FRMPD4: variants seen among roughly 807,000 people sequenced by gnomAD.
The protein encoded by FRMPD4 is FERM and PDZ domain containing 4.
FRMPD4 carries 22 observed loss-of-function variants against 94.1 expected under a neutral mutation model. The ratio of observed to expected loss-of-function variants is 0.23; its 90% CI spans 0.17 to 0.33. The LOEUF (loss-of-function observed/expected upper bound fraction) is 0.33. Ranked by LOEUF, FRMPD4 falls within the 10% of genes least tolerant of loss-of-function variation. FRMPD4 has a pLI of 1.00. For synonymous variants in FRMPD4, 631 were observed against 548.6 expected (o/e 1.15, Z -2.10); for missense variants, 1,111 against 1,339.9 (o/e 0.83, Z 2.67).
At chrX:12,062,647 G>T (rs1176885405) in intron 3 of FRMPD4, among the ~76,000 whole-genome samples, 2 of 111,151 alleles carry the variant, frequency 1.8e-5, no homozygotes, top group South Asian at 7.7e-4. Context: ...CATGTTTGGT[G>T]GGTGGGTGGA....
chrX:12,706,902 A>G lies in FRMPD4; in HGVS notation c.1274A>G (p.Lys425Arg). 9.5e-7 allele frequency: 1 copy of G among 1,050,653 alleles called. No individual in the cohort carries two copies. Among genetic ancestry groups the G allele is most frequent in the Non-Finnish European group, 1.3e-6 (1 of 765,907 alleles). 86.6% of individuals were successfully genotyped at this position (1,050,653 alleles called of 1,213,427 possible). ...DLRLYGGRVFKATLVQAEKRS... is the reference protein window; with the variant it reads ...DLRLYGGRVFRATLVQAEKRS... ...CGATTGTATGGGGGCCGTGTGTTCA[A>G]GGCAACATTAGTGGTAATTTCTTTT... The change falls in exon 12 of 17, where the codon AAG (lysine) becomes AGG (arginine). Residue 425 changes from lysine to arginine, a missense_variant. Lys to Arg is a conservative substitution (Grantham distance 26). This residue lies in a region of FRMPD4 where 111 missense variants were observed against 160.7 expected (regional missense o/e 0.69). Transcript: ENST00000675598.
intron 2 of FRMPD4, among the ~76,000 whole-genome samples, chrX:12,605,480 A>C (rs1423715561): frequency 3.6e-5 from 4 of 111,564 alleles, no homozygotes; most frequent in Non-Finnish European, 7.5e-5. Context: ...TGGCCCCTGA[A>C]ATGCTTCTAC....
At chrX:12,055,413 A>G (rs1375534548) in intron 3 of FRMPD4, among the ~76,000 whole-genome samples, 3 of 110,763 alleles carry the variant, frequency 2.7e-5, no homozygotes, top group Non-Finnish European at 5.7e-5. Flanking sequence ...CAGTTGTTTA[A>G]CAGTGTGTGG....
intron 1 of FRMPD4, among the ~76,000 whole-genome samples, chrX:12,284,438 A>G (rs1485721195): frequency 1.8e-5 from 2 of 111,663 alleles, no homozygotes; most frequent in African/African-American, 6.5e-5. Context: ...ACTTGACTAC[A>G]GCAGGGGAGA....
intron 3 of FRMPD4, among the ~76,000 whole-genome samples, chrX:11,959,003 C>G (rs775180251): frequency 8.9e-6 from 1 of 111,830 alleles, no homozygotes; most frequent in Admixed American, 9.5e-5. Context: ...CAAAAAAAAC[C>G]CTACCAAAAC....
At chrX:12,031,654 G>A (rs868626200) in intron 3 of FRMPD4, among the ~76,000 whole-genome samples, 16 of 111,764 alleles carry the variant, frequency 1.4e-4, no homozygotes, top group African/African-American at 5.2e-4. Flanking sequence ...CTTGTTAAAC[G>A]TGCTACAATG....
intron 1 of FRMPD4, among the ~76,000 whole-genome samples, chrX:12,417,579 CAA>C (rs33972789): frequency 9.3e-5 from 6 of 64,775 alleles, no homozygotes; most frequent in East Asian, 4.6e-4. Flanking sequence ...GACTTCATCT[CAA>C]AAAAAAAAAA....
At chrX:12,391,167 A>G (rs1004457241) in intron 1 of FRMPD4, among the ~76,000 whole-genome samples, 1 of 109,856 alleles carries the variant, frequency 9.1e-6, no homozygotes, top group Non-Finnish European at 1.9e-5. Flanking sequence ...TGCTTACTAA[A>G]GAGTCATTGC....
At chrX:12,181,846 C>T (rs1032841044) in intron 1 of FRMPD4, among the ~76,000 whole-genome samples, 2 of 111,943 alleles carry the variant, frequency 1.8e-5, no homozygotes, top group Non-Finnish European at 3.8e-5. Context: ...CTCTGCCTCT[C>T]AGCCTCCTTT....
intron 1 of FRMPD4, among the ~76,000 whole-genome samples, chrX:11,843,705 G>A (rs755217784): frequency 3.2e-4 from 35 of 110,847 alleles, no homozygotes; most frequent in Admixed American, 2.4e-3. Context: ...CTACAGGCAT[G>A]TATGACCACA....
intron 1 of FRMPD4, among the ~76,000 whole-genome samples, chrX:12,169,573 C>A (rs1017466408): frequency 4.5e-5 from 5 of 111,619 alleles, no homozygotes; most frequent in African/African-American, 1.6e-4. Flanking sequence ...TGTGTATTTC[C>A]ATGGCTGCTT....
At chrX:11,853,914 C>G (rs1342242442) in intron 1 of FRMPD4, among the ~76,000 whole-genome samples, 1 of 112,269 alleles carries the variant, frequency 8.9e-6, no homozygotes, top group Non-Finnish European at 1.9e-5. Context: ...CCAAACCTGG[C>G]AGAGATACAA....
chrX:12,716,307 C>A lies in FRMPD4; in HGVS notation c.1848C>A (p.Ala616=), dbSNP rs773242246. ...AGCAGCTGAGCCAGCCCGGGGAGGC[C>A]CCCTGTGAGGCAGACTACAGAAGTC... ...LNQQLSQPGE[A]PCEADYRSLA... is the part of the protein sequence containing the mutation. Residue 616 remains alanine, a synonymous_variant, in exon 15 of 17, where the codon GCC becomes GCA. Transcript: ENST00000675598. 2.5e-6 allele frequency: 3 copies of A among 1,209,112 alleles called. No homozygotes were observed. The highest frequency in any genetic ancestry group is 4.4e-5 in the Admixed American group (2 of 45,803).
intron 1 of FRMPD4, among the ~76,000 whole-genome samples, chrX:12,421,794 G>A (rs911567891): frequency 5.6e-5 from 6 of 107,209 alleles, no homozygotes; most frequent in African/African-American, 1.7e-4. Context: ...AAGCTGGGGG[G>A]GCAGGGGCTG....
intron 1 of FRMPD4, among the ~76,000 whole-genome samples, chrX:12,285,049 A>G (rs778794595): frequency 8.9e-6 from 1 of 111,866 alleles, no homozygotes; most frequent in Admixed American, 9.5e-5. Context: ...CCTTTCATGA[A>G]TGTATTATTC....
intron 1 of FRMPD4, among the ~76,000 whole-genome samples, chrX:12,339,962 A>G (rs1312959836): frequency 3.6e-5 from 4 of 112,365 alleles, no homozygotes; most frequent in African/African-American, 6.5e-5. Flanking sequence ...AAGCCACTCA[A>G]TGGTAAATGG....
At chrX:12,444,641 C>G (rs1317397581) in intron 1 of FRMPD4, among the ~76,000 whole-genome samples, 1 of 111,675 alleles carries the variant, frequency 9.0e-6, no homozygotes, top group Non-Finnish European at 1.9e-5. Flanking sequence ...GCTCACAGTT[C>G]TGGAGTTGGG....
At chrX:12,515,139 T>C (rs2058083461) in intron 2 of FRMPD4, among the ~76,000 whole-genome samples, 1 of 111,934 alleles carries the variant, frequency 8.9e-6, no homozygotes, top group Non-Finnish European at 1.9e-5. Flanking sequence ...TATTAATTTT[T>C]TCAAAAAACC....
At chrX:12,714,014 T>G (rs1411060132) in intron 14 of FRMPD4, among the ~76,000 whole-genome samples, 3 of 111,957 alleles carry the variant, frequency 2.7e-5, no homozygotes, top group African/African-American at 9.8e-5. Flanking sequence ...ATCCATCAAC[T>G]TGCTTTGAGC....
Sources: gnomAD v4.1 joint callset for allele counts (sites outside exome capture counted in the v4.1 genomes callset) on GRCh38, gnomAD v4.1.1 for gene constraint, gnomAD v4.1.1 regional missense constraint, MANE v1.5 for transcripts, NCBI Gene and HGNC (gene_info 2026-07-23, HGNC 2026-07-21) for gene names.